Variants in STAU2 observed in about 807,000 individuals in gnomAD.
The protein encoded by STAU2 is double-stranded RNA-binding protein Staufen homolog 2.
In STAU2, 20 loss-of-function variants were observed where a neutral mutation model predicts 65.9. That is an observed-to-expected ratio of 0.30 (90% CI 0.21 to 0.44). STAU2 has a LOEUF of 0.44. STAU2 is among the 20% of genes least tolerant of loss of function. The pLI is 1.00. For synonymous variants in STAU2, 232 were observed against 233.9 expected, an observed-to-expected ratio of 0.99 and a Z score of 0.07; for missense variants, 558 against 683.9, an observed-to-expected ratio of 0.82 and a Z score of 2.05.
At chr8:73,462,264 C>T (rs896541997) in intron 13 of STAU2, among the ~76,000 whole-genome samples, 5 of 148,948 alleles carry the variant, frequency 3.4e-5, no homozygotes, top group Admixed American at 6.7e-5. Flanking sequence ...ATTTTTTTTT[C>T]TTTTTTTTTA....
At chr8:73,494,608 A>G (rs1326192821) in intron 13 of STAU2, among the ~76,000 whole-genome samples, 1 of 151,782 alleles carries the variant, frequency 6.6e-6, no homozygotes, top group African/African-American at 2.4e-5. Context: ...AAAGGAAGAT[A>G]TACAATAAAA....
At chr8:73,545,461 A>T (rs1806842232) in intron 13 of STAU2, among the ~76,000 whole-genome samples, 1 of 152,218 alleles carries the variant, frequency 6.6e-6, no homozygotes, top group Non-Finnish European at 1.5e-5. Flanking sequence ...GACTATATTA[A>T]GATGGCAGAA....
chr8:73,633,870 A>C (rs1192193040), intron 6 of STAU2, among the ~76,000 whole-genome samples: 1 of 151,878 alleles, frequency 6.6e-6, no homozygotes, highest in Non-Finnish European at 1.5e-5. Flanking sequence ...AATCCCAGCT[A>C]CTCAGGAGGC....
chr8:73,716,263 T>C (rs62507983), intron 3 of STAU2, among the ~76,000 whole-genome samples: 8,318 of 152,128 alleles, frequency 0.055, 404 homozygotes, highest in Admixed American at 0.16. Context: ...TAATTTTTTG[T>C]ATTTTTAGTA....
chr8:73,429,318 A>T (rs1401590614), intron 13 of STAU2, among the ~76,000 whole-genome samples: 1 of 151,782 alleles, frequency 6.6e-6, no homozygotes, highest in Non-Finnish European at 1.5e-5. Context: ...CCATAAGGAA[A>T]CAGAGGCTCA....
chr8:73,642,532 A>T (rs889190889), intron 6 of STAU2, among the ~76,000 whole-genome samples: 1 of 152,200 alleles, frequency 6.6e-6, no homozygotes, highest in Non-Finnish European at 1.5e-5. Flanking sequence ...AAAATAAAAA[A>T]AAAAAACTTT....
chr8:73,521,172 G>A (rs1298500862), intron 13 of STAU2, among the ~76,000 whole-genome samples: 1 of 152,074 alleles, frequency 6.6e-6, no homozygotes, highest in Non-Finnish European at 1.5e-5. Context: ...ACTCAGGCGA[G>A]GAGAATTTTA....
At chr8:73,739,913 G>A (rs1806719076) in intron 1 of STAU2, 45 bp from the exon 2 acceptor site, 1 of 755,386 alleles carries the variant, frequency 1.3e-6, no homozygotes, top group South Asian at 1.6e-5. Flanking sequence ...CCACTTCCAA[G>A]ATTAGGTTAT....
chr8:73,636,965 A>C (rs911506116), intron 6 of STAU2, among the ~76,000 whole-genome samples: 11 of 148,824 alleles, frequency 7.4e-5, no homozygotes, highest in Non-Finnish European at 5.9e-5. Context: ...TTCAGCAGAG[A>C]ACAGTAATTA....
chr8:73,604,433 T>C (rs2129726368), intron 9 of STAU2, among the ~76,000 whole-genome samples: 1 of 152,226 alleles, frequency 6.6e-6, no homozygotes, highest in Admixed American at 6.5e-5. Context: ...TTTCATCATG[T>C]TGGCCAACCT....
intron 11 of STAU2, among the ~76,000 whole-genome samples, chr8:73,586,281 G>A (rs1352796777): frequency 1.3e-5 from 2 of 152,144 alleles, no homozygotes; most frequent in African/African-American, 4.8e-5. Context: ...AGAATTAGGA[G>A]TACACCTGGT....
rs573400817 is a variant in STAU2, at chr8:73,704,280, G to A, written c.114+4752C>T. ...CAATGTCATAGGAAAAGAGGGGATG[G>A]GGATAAAAGGAGTGTTAGTATTAAT... On this transcript the variant is annotated intron_variant, in intron 4 of 14. Transcript: ENST00000524300. Among the ~76,000 whole-genome samples, 18 of 152,268 alleles carry A rather than the reference G, an allele frequency of 1.2e-4. No homozygotes were observed. The South Asian group carries it at 3.5e-3, about 30-fold the overall frequency.
At position 73,595,122 on chromosome 8, in the gene STAU2, A is replaced by G. The variant is rs201794297; in HGVS notation, c.1161+44T>C. The G allele has an allele frequency of 1.7e-4, 247 of 1,486,206 alleles. 4 individuals carry two copies. The South Asian group carries it at 3.2e-3, about 20-fold the overall frequency. 92.1% of individuals were successfully genotyped at this position (1,486,206 alleles called of 1,614,324 possible). On this transcript the variant is annotated intron_variant, in intron 11 of 14. Transcript: ENST00000524300. ...AGATCAAAATTTATTAATCACTTTG[A>G]TATTATGACAGATAGGATACATACA... is the stretch of plus-strand genomic sequence containing the variant.
intron 10 of STAU2, among the ~76,000 whole-genome samples, chr8:73,596,205 T>C (rs1411226498): frequency 6.6e-6 from 1 of 152,016 alleles, no homozygotes; most frequent in Non-Finnish European, 1.5e-5. Flanking sequence ...AATTATTTAA[T>C]ATCTCTAAGC....
rs573808494 is a variant in STAU2, at chr8:73,616,701, G to A, written c.570+591C>T. ...TGGTCCCAGCTACTCAAGAGGCTGA[G>A]GCAGGAGAATCGCTTGAACCCGGGA... On this transcript the variant is annotated intron_variant, in intron 7 of 14. Transcript: ENST00000524300. 6.6e-5 allele frequency among the ~76,000 whole-genome samples: 10 copies of A among 152,206 alleles called. No individual in the cohort carries two copies. In the South Asian group the frequency reaches 1.7e-3, roughly 25 times the overall value.
chr8:73,472,088 A>G (rs776781638), intron 13 of STAU2, among the ~76,000 whole-genome samples: 18 of 152,210 alleles, frequency 1.2e-4, no homozygotes, highest in Non-Finnish European at 1.9e-4. Context: ...TTCGCCTTTC[A>G]TCAGTGTGTG....
intron 12 of STAU2, among the ~76,000 whole-genome samples, chr8:73,582,116 T>A (rs1285665556): frequency 6.6e-6 from 1 of 152,228 alleles, no homozygotes; most frequent in Non-Finnish European, 1.5e-5. Context: ...ATGTAAAATA[T>A]CTTGATCATA....
chr8:73,460,118 G>T (rs947631915), intron 13 of STAU2, among the ~76,000 whole-genome samples: 1 of 152,194 alleles, frequency 6.6e-6, no homozygotes, highest in Non-Finnish European at 1.5e-5. Context: ...TTATGTATCT[G>T]TATCTTCTTA....
intron 12 of STAU2, among the ~76,000 whole-genome samples, chr8:73,553,613 C>A (rs2128944226): frequency 6.6e-6 from 1 of 152,148 alleles, no homozygotes; most frequent in South Asian, 2.1e-4. Context: ...AATAAAACAG[C>A]TAACACTTTG....
Sources: allele counts gnomAD v4.1 joint callset (sites outside exome capture counted in the v4.1 genomes callset), GRCh38; gene constraint gnomAD v4.1.1; transcripts MANE v1.5; gene names NCBI Gene and HGNC (gene_info 2026-07-23, HGNC 2026-07-21).